Variants in ABCC4 observed in about 807,000 individuals in gnomAD.
The protein encoded by ABCC4 is ATP binding cassette subfamily C member 4 (PEL blood group).
In ABCC4, 102 loss-of-function variants were observed where a neutral mutation model predicts 168.5. That is an observed-to-expected ratio of 0.61 (90% confidence interval 0.52 to 0.71). The LOEUF (loss-of-function observed/expected upper bound fraction) is 0.71, where lower values mean the gene tolerates loss of function less well. Among genes scored for constraint, ABCC4 ranks in the 30% least tolerant of loss-of-function variants. The pLI is 0.00. For synonymous variants in ABCC4, 617 were observed against 590.7 expected (o/e 1.04, Z -0.65); for missense variants, 1,402 against 1,605.8 (o/e 0.87, Z 2.17).
intron 1 of ABCC4, among the ~76,000 whole-genome samples, chr13:95,264,501 T>C (rs2040616265): frequency 6.6e-6 from 1 of 152,220 alleles, no homozygotes; most frequent in African/African-American, 2.4e-5. Flanking sequence ...CCGGATACAA[T>C]GCACTGAGGA....
intron 20 of ABCC4, among the ~76,000 whole-genome samples, chr13:95,090,387 G>A (rs910600571): frequency 2.0e-5 from 3 of 152,116 alleles, no homozygotes; most frequent in Admixed American, 6.6e-5. Context: ...CACCTCCACC[G>A]GAACAGGTGC....
chr13:95,157,131 A>ACACACAC (rs1350889658), intron 19 of ABCC4, among the ~76,000 whole-genome samples: 966 of 82,752 alleles, frequency 0.012, 9 homozygotes, highest in African/African-American at 0.063. Context: ...CACACACACA[A>ACACACAC]ACAGTCACCA....
rs2031081958 is a variant in ABCC4, at chr13:95,021,533, G to T, written c.*42C>A. 1 of 1,437,838 alleles carries T rather than the reference G, an allele frequency of 7.0e-7. No individual in the cohort carries two copies. Among genetic ancestry groups the T allele is most frequent in the Non-Finnish European group, 9.8e-7 (1 of 1,024,486 alleles). The allele number at this position is 1,437,838 out of a possible 1,614,324, so 89.1% of individuals were successfully genotyped here. A position where few individuals can be genotyped will look rare whatever the true frequency, so the allele number is the denominator to read the frequency against. On this transcript the variant is annotated 3_prime_UTR_variant, in exon 31 of 31. Coordinates refer to ENST00000645237, the MANE Select transcript of ABCC4 (RefSeq NM_005845.5). ...TGTGGTTTACATAGTCCAAAAACTAGTGGAAAATGCCTTCGGAACGGACTT... is the reference window on the plus strand; with the variant it reads ...TGTGGTTTACATAGTCCAAAAACTATTGGAAAATGCCTTCGGAACGGACTT...
intron 1 of ABCC4, among the ~76,000 whole-genome samples, chr13:95,294,286 C>A (rs1368322485): frequency 1.3e-5 from 2 of 151,894 alleles, no homozygotes; most frequent in Non-Finnish European, 1.5e-5. Flanking sequence ...TCGCTTGAAC[C>A]CGGGAGGCAG....
chr13:95,266,779 C>T (rs1390753229), intron 1 of ABCC4, among the ~76,000 whole-genome samples: 1 of 151,426 alleles, frequency 6.6e-6, no homozygotes, highest in Non-Finnish European at 1.5e-5. Flanking sequence ...TGTTTCTGTG[C>T]ACTGCATTAC....
At chr13:95,050,639 AAAG>A (rs531240777) in intron 27 of ABCC4, among the ~76,000 whole-genome samples, 15 of 152,332 alleles carry the variant, frequency 9.8e-5, no homozygotes, top group African/African-American at 3.6e-4. Context: ...ACAATGCCAT[AAAG>A]AAGTAGTTCC....
At chr13:95,191,854 C>A (rs991315158) in intron 9 of ABCC4, among the ~76,000 whole-genome samples, 2 of 152,248 alleles carry the variant, frequency 1.3e-5, no homozygotes, top group Non-Finnish European at 2.9e-5. Flanking sequence ...AACCCAGCTT[C>A]CCATCAAGGC....
intron 8 of ABCC4, among the ~76,000 whole-genome samples, chr13:95,195,170 A>T (rs1327248024): frequency 6.6e-6 from 1 of 152,220 alleles, no homozygotes; most frequent in African/African-American, 2.4e-5. Flanking sequence ...CTATCTGTGT[A>T]ATTTTTTTCA....
chr13:95,139,143 A>T (rs947399006), intron 19 of ABCC4, among the ~76,000 whole-genome samples: 12 of 152,198 alleles, frequency 7.9e-5, no homozygotes, highest in African/African-American at 2.4e-4. Flanking sequence ...ACAGTGCCTA[A>T]CTCAAGATAA....
chr13:95,262,621 G>A (rs1372051139), intron 1 of ABCC4, among the ~76,000 whole-genome samples: 1 of 148,876 alleles, frequency 6.7e-6, no homozygotes, highest in African/African-American at 2.5e-5. Flanking sequence ...CAAACGAAAT[G>A]ACACTTAGAC....
intron 19 of ABCC4, among the ~76,000 whole-genome samples, chr13:95,138,044 C>G (rs2036195642): frequency 6.6e-6 from 1 of 152,094 alleles, no homozygotes. Flanking sequence ...AGAAAAAGGA[C>G]CAATTCTTTC....
chr13:95,034,554 G>A, intron 30 of ABCC4, 51 bp downstream of exon 30: 2 of 1,591,334 alleles, frequency 1.3e-6, no homozygotes, highest in Middle Eastern at 1.7e-4. Flanking sequence ...AAATTGTGCG[G>A]AGGGAGCCGC....
At position 95,294,376 on chromosome 13, in the gene ABCC4, A is replaced by G. The variant is rs532199352; in HGVS notation, c.74+6865T>C. On this transcript the variant is annotated intron_variant, in intron 1 of 30. Coordinates refer to ENST00000645237, the MANE Select transcript of ABCC4 (RefSeq NM_005845.5). ...AGACTCCGTCTCAAAAAAGAAAACA[A>G]GAAACCAAGACCATGCCTATTGTCA... is the stretch of plus-strand genomic sequence containing the variant. Among the ~76,000 whole-genome samples the G allele has an allele frequency of 1.4e-3, 213 of 152,092 alleles. 1 individual carries two copies. Among genetic ancestry groups the G allele is most frequent in the African/African-American group, 4.8e-3 (201 of 41,512 alleles).
chr13:95,085,269 T>A (rs2034219952), intron 20 of ABCC4, among the ~76,000 whole-genome samples: 1 of 109,496 alleles, frequency 9.1e-6, no homozygotes, highest in African/African-American at 3.2e-5. Context: ...TGAAACCCTA[T>A]CTCTACTGAG....
rs77369461 is a variant in ABCC4, at chr13:95,056,901, C to T, written c.3367-3717G>A. On this transcript the variant is annotated intron_variant, in intron 26 of 30. Coordinates refer to ENST00000645237, the MANE Select transcript of ABCC4 (RefSeq NM_005845.5). The stretch of plus-strand genomic sequence containing the variant: ...ATTATAGCTGTTGATGTATGCCAAC[C>T]GTTAGGGTGCTATCATAAATGTTGA... 1.4e-3 allele frequency among the ~76,000 whole-genome samples: 211 copies of T among 152,288 alleles called. 1 individual carries two copies. The East Asian group carries it at 0.034, about 24-fold the overall frequency.
intron 19 of ABCC4, among the ~76,000 whole-genome samples, chr13:95,159,093 T>TTATACATATA (rs2036983158): frequency 4.9e-5 from 3 of 61,014 alleles, no homozygotes; most frequent in Non-Finnish European, 1.1e-4. Context: ...TAAATAAATT[T>TTATACATATA]TATATATATA....
At chr13:95,206,464 C>A in intron 8 of ABCC4, 68 bp downstream of exon 8, 1 of 1,573,222 alleles carries the variant, frequency 6.4e-7, no homozygotes, top group South Asian at 1.2e-5. Flanking sequence ...CATAGTGATG[C>A]TAAATAAAAG....
chr13:95,034,188 A>T (rs1489868162), intron 30 of ABCC4, among the ~76,000 whole-genome samples: 1 of 152,166 alleles, frequency 6.6e-6, no homozygotes, highest in Non-Finnish European at 1.5e-5. Flanking sequence ...CTTTTTGCCC[A>T]AACTCTTAAA....
intron 26 of ABCC4, 26 bp from the exon 27 acceptor site, chr13:95,053,210 A>G (rs753280853): frequency 1.3e-6 from 2 of 1,557,396 alleles, no homozygotes; most frequent in Admixed American, 3.3e-5. Context: ...AGTCACGGTC[A>G]TTACCACAGA....
Sources: gnomAD v4.1 joint callset for allele counts (sites outside exome capture counted in the v4.1 genomes callset) on GRCh38, gnomAD v4.1.1 for gene constraint, MANE v1.5 for transcripts, NCBI Gene and HGNC (gene_info 2026-07-23, HGNC 2026-07-21) for gene names.